The following TMEM178B variants were observed in gnomAD, a reference collection of about 807,000 sequenced individuals.
TMEM178B encodes transmembrane protein 178B.
Under a neutral mutation model 31.0 loss-of-function variants are expected in TMEM178B, and 5 were observed. The ratio of observed to expected loss-of-function variants is 0.16; its 90% CI spans 0.08 to 0.34. The LOEUF (loss-of-function observed/expected upper bound fraction) is 0.34. TMEM178B is among the 10% of genes least tolerant of loss of function. The probability of loss-of-function intolerance (pLI) is 1.00; values close to 1 mark genes in which losing one functional copy is unlikely to be tolerated. For missense variants in TMEM178B, 275 were observed against 400.3 expected, an observed-to-expected ratio of 0.69 and a Z score of 2.67; for synonymous variants, 164 against 164.0, an observed-to-expected ratio of 1.00 and a Z score of 0.00.
chr7:141,247,208 C>CT (rs1797750845), intron 2 of TMEM178B, among the ~76,000 whole-genome samples: 1 of 43,030 alleles, frequency 2.3e-5, no homozygotes, highest in Non-Finnish European at 4.5e-5. Context: ...TCTCTCTACA[C>CT]ACACACACAC....
intron 1 of TMEM178B, among the ~76,000 whole-genome samples, chr7:141,082,133 G>A (rs1794696355): frequency 1.3e-5 from 2 of 152,192 alleles, no homozygotes; most frequent in Non-Finnish European, 2.9e-5. Flanking sequence ...AGTACACTCT[G>A]ATGTCTGCAT....
chr7:141,399,456 T>G (rs377760527), intron 2 of TMEM178B, among the ~76,000 whole-genome samples: 4 of 152,234 alleles, frequency 2.6e-5, no homozygotes, highest in South Asian at 2.1e-4. Context: ...GTCTCCTGAT[T>G]CCCAGTCTAG....
At position 141,448,823 on chromosome 7, in the gene TMEM178B, A is replaced by T. The variant is rs369619099; in HGVS notation, c.634+11078A>T. On this transcript the variant is annotated intron_variant, in intron 3 of 3. Transcript: ENST00000565468. The stretch of plus-strand genomic sequence containing the variant: ...CCTGAGGTCTCCTCCTGTCAGCATT[A>T]ACAAGACCCTGTCTTCTCTGGGGTG... Among the ~76,000 whole-genome samples, 43 of 152,288 alleles carry T rather than the reference A, an allele frequency of 2.8e-4. 1 individual carries two copies. In the South Asian group the frequency reaches 5.2e-3, roughly 18 times the overall value.
chr7:141,309,007 AAGG>A (rs1285670201), intron 2 of TMEM178B, among the ~76,000 whole-genome samples: 4 of 152,212 alleles, frequency 2.6e-5, no homozygotes, highest in Non-Finnish European at 5.9e-5. Flanking sequence ...TTTTAGAGGA[AAGG>A]AGCCCAGAGC....
chr7:141,478,365 A>G lies in TMEM178B; in HGVS notation c.*7579A>G, dbSNP rs1467969067. 1 of 152,212 alleles carries G rather than the reference A, an allele frequency of 6.6e-6. No individual in the cohort carries two copies. The highest frequency in any genetic ancestry group is 1.5e-5 in the Non-Finnish European group (1 of 68,046). 9.4% of individuals were successfully genotyped at this position (152,212 alleles called of 1,614,324 possible). On this transcript the variant is annotated 3_prime_UTR_variant, in exon 4 of 4. Coordinates refer to ENST00000565468, the MANE Select transcript of TMEM178B (RefSeq NM_001195278.2). ...GGACTGAGAAGACCAGCTGCCCCAG[A>G]GAGGGGAGGCACGTCGAGCTTGGCC...
intron 2 of TMEM178B, among the ~76,000 whole-genome samples, chr7:141,334,645 A>T (rs1799353406): frequency 6.6e-6 from 1 of 152,202 alleles, no homozygotes; most frequent in African/African-American, 2.4e-5. Flanking sequence ...AGAAAGCCCC[A>T]CATAGTGGTC....
At chr7:141,404,000 C>T (rs1470398983) in intron 2 of TMEM178B, among the ~76,000 whole-genome samples, 1 of 152,118 alleles carries the variant, frequency 6.6e-6, no homozygotes, top group African/African-American at 2.4e-5. Context: ...TGTCATATAC[C>T]AGAGGCCTTA....
chr7:141,353,177 CCTT>C (rs990058327), intron 2 of TMEM178B, among the ~76,000 whole-genome samples: 1 of 152,218 alleles, frequency 6.6e-6, no homozygotes, highest in African/African-American at 2.4e-5. Context: ...ATCAATCTCT[CCTT>C]CTCTGCCAAC....
downstream of TMEM178B, among the ~76,000 whole-genome samples, chr7:141,483,738 TC>T (rs2116749990): frequency 8.3e-6 from 1 of 120,244 alleles, no homozygotes; most frequent in East Asian, 2.0e-4. Context: ...TTGCCCTTCT[TC>T]TTTTTTTTTT....
chr7:141,329,097 G>C (rs1344972117), intron 2 of TMEM178B, among the ~76,000 whole-genome samples: 4 of 152,090 alleles, frequency 2.6e-5, no homozygotes, highest in Non-Finnish European at 5.9e-5. Flanking sequence ...TGGGAGGCAG[G>C]GTACTTGAGG....
chr7:141,135,866 A>T (rs1795667461), intron 1 of TMEM178B, among the ~76,000 whole-genome samples: 1 of 152,220 alleles, frequency 6.6e-6, no homozygotes, highest in African/African-American at 2.4e-5. Flanking sequence ...AAAAGGAAAT[A>T]AATACCTAAG....
Position 141,478,574 on chromosome 7 carries a change from C to T in TMEM178B, c.*7788C>T, listed in dbSNP as rs1220289759. 1 of 152,196 alleles carries T rather than the reference C, an allele frequency of 6.6e-6. No individual in the cohort carries two copies. Among genetic ancestry groups the T allele is most frequent in the African/African-American group, 2.4e-5 (1 of 41,438 alleles). The allele number at this position is 152,196 out of a possible 1,614,324, so 9.4% of individuals were successfully genotyped here. A position where few individuals can be genotyped will look rare whatever the true frequency, so the allele number is the denominator to read the frequency against. ...CCACATTTTTTAAAGTCCAAAGAAA[C>T]AGCTAAAATCAGTGAAATTAATTTT... is the stretch of plus-strand genomic sequence containing the variant. On this transcript the variant is annotated 3_prime_UTR_variant, in exon 4 of 4. Coordinates refer to ENST00000565468, the MANE Select transcript of TMEM178B (RefSeq NM_001195278.2).
intron 2 of TMEM178B, among the ~76,000 whole-genome samples, chr7:141,233,879 C>A (rs1165183415): frequency 1.3e-5 from 2 of 152,210 alleles, no homozygotes; most frequent in Non-Finnish European, 2.9e-5. Flanking sequence ...CCAGGACCAC[C>A]AGCATCAGAA....
chr7:141,353,388 G>A (rs1368699066), intron 2 of TMEM178B, among the ~76,000 whole-genome samples: 1 of 152,090 alleles, frequency 6.6e-6, no homozygotes, highest in Non-Finnish European at 1.5e-5. Flanking sequence ...GTCTCTCCAG[G>A]CTTATCTCAC....
At chr7:141,088,905 TC>T (rs1285494627) in intron 1 of TMEM178B, among the ~76,000 whole-genome samples, 1 of 152,206 alleles carries the variant, frequency 6.6e-6, no homozygotes, top group African/African-American at 2.4e-5. Context: ...TAATAGTGAA[TC>T]CCCCACCCTA....
chr7:141,484,541 G>T (rs1418950049), downstream of TMEM178B, among the ~76,000 whole-genome samples: 1 of 152,048 alleles, frequency 6.6e-6, no homozygotes, highest in Non-Finnish European at 1.5e-5. This position sits in a 1 kb window ranked among gnomAD's most constrained non-coding sequence, Gnocchi z 4.8. Flanking sequence ...CAACACTTCT[G>T]CTAGGTTTTT....
intron 2 of TMEM178B, among the ~76,000 whole-genome samples, chr7:141,315,085 A>G (rs1234616411): frequency 6.6e-6 from 1 of 152,180 alleles, no homozygotes; most frequent in Non-Finnish European, 1.5e-5. Flanking sequence ...GCATGTATCC[A>G]ATCAGTTGCC....
chr7:141,315,334 A>G (rs141317199), intron 2 of TMEM178B, among the ~76,000 whole-genome samples: 1 of 152,284 alleles, frequency 6.6e-6, no homozygotes, highest in East Asian at 1.9e-4. Flanking sequence ...TTTTCGGGCC[A>G]TCATTAAAAA....
At chr7:141,292,504 C>T (rs1032159891) in intron 2 of TMEM178B, among the ~76,000 whole-genome samples, 3 of 152,210 alleles carry the variant, frequency 2.0e-5, no homozygotes, top group African/African-American at 4.8e-5. Flanking sequence ...GAGGGCAGCC[C>T]ACACATGTCC....
Sources: gnomAD v4.1 joint callset for allele counts (sites outside exome capture counted in the v4.1 genomes callset) on GRCh38, gnomAD v4.1.1 for gene constraint, Gnocchi (gnomAD v3.1) non-coding constraint, MANE v1.5 for transcripts, NCBI Gene and HGNC (gene_info 2026-07-23, HGNC 2026-07-21) for gene names.